NOC2L: variants seen among roughly 807,000 people sequenced by gnomAD.
The protein encoded by NOC2L is nucleolar complex protein 2 homolog.
A neutral mutation model predicts 94.2 loss-of-function variants in NOC2L; 101 were observed. That is an observed-to-expected ratio of 1.07 (90% CI 0.91 to 1.26). The LOEUF (loss-of-function observed/expected upper bound fraction) is 1.26. NOC2L is among the 50% of genes most tolerant of loss of function. NOC2L has a pLI of 0.00. For missense variants in NOC2L, 1,076 were observed against 980.1 expected, an observed-to-expected ratio of 1.10 and a Z score of -1.31; for synonymous variants, 531 against 413.4, an observed-to-expected ratio of 1.28 and a Z score of -3.45.
chr1:944,812 G>A lies in NOC2L; in HGVS notation c.2144-12C>T. The stretch of plus-strand genomic sequence containing the variant: ...GTCTGGGTCTCCATCTGCGGGGAGA[G>A]ATGGAGGCTACATAAATTTTGCTTT... On this transcript the variant is annotated splice_polypyrimidine_tract_variant and intron_variant, in intron 18 of 18. Transcript: ENST00000327044. The A allele has an allele frequency of 6.5e-7, 1 of 1,531,454 alleles. No homozygotes were observed. The highest frequency in any genetic ancestry group is 8.9e-7 in the Non-Finnish European group (1 of 1,128,982). The allele number at this position is 1,531,454 out of a possible 1,614,324, so 94.9% of individuals were successfully genotyped here.
At position 944,692 on chromosome 1, in the gene NOC2L, C is replaced by T. The variant is rs1642037697; in HGVS notation, c.*2G>A. On this transcript the variant is annotated 3_prime_UTR_variant, in exon 19 of 19. Coordinates refer to ENST00000327044, the MANE Select transcript of NOC2L (RefSeq NM_015658.4). ...CCCTACAGGCCCCCCAGATGGGCTG[C>T]CTCAGTCGTCCTCTGAGAGCTGCAG... 1 of 1,587,040 alleles carries T rather than the reference C, an allele frequency of 6.3e-7. No homozygotes were observed. The highest frequency in any genetic ancestry group is 8.5e-7 in the Non-Finnish European group (1 of 1,169,696).
intron 14 of NOC2L, among the ~76,000 whole-genome samples, chr1:947,334 G>A (rs1475381778): frequency 6.6e-6 from 1 of 152,208 alleles, no homozygotes; most frequent in Non-Finnish European, 1.5e-5. Flanking sequence ...CCCCCAGAAA[G>A]GGGGTCCCGG....
At chr1:949,457 C>T (rs1264802497) in intron 12 of NOC2L, among the ~76,000 whole-genome samples, 3 of 152,200 alleles carry the variant, frequency 2.0e-5, no homozygotes, top group African/African-American at 4.8e-5. Flanking sequence ...AGGCGACTGG[C>T]TTCCTGTCCA....
intron 9 of NOC2L, among the ~76,000 whole-genome samples, chr1:952,912 C>T (rs1232959363): frequency 6.6e-6 from 1 of 152,206 alleles, no homozygotes; most frequent in Non-Finnish European, 1.5e-5. Flanking sequence ...ACCCAGTGTC[C>T]TCCTCCAGCC....
chr1:946,247 G>A lies in NOC2L; in HGVS notation c.1843C>T (p.Leu615=), dbSNP rs2272757. Residue 615 remains leucine (L), a synonymous_variant, in exon 16 of 19, where the codon CTG becomes TTG. Transcript: ENST00000327044. ...CGCCAGTGGCTGTAGTACAAGGTCA[G>A]GGGTGTCCCCTCTTCCCGGGTCAGC... ...EKLTREEGTP[L]TLYYSHWRKL... 0.61 allele frequency: 980,063 copies of A among 1,612,974 alleles called. 308,468 individuals are homozygous for A. Among genetic ancestry groups the A allele is most frequent in the East Asian group, 0.65 (29,148 of 44,854 alleles).
In NOC2L at chr1:945,162, C is replaced by CA. The variant is rs1277034355; in HGVS notation, c.2054-17dup. 6.3e-7 allele frequency: 1 copy of CA among 1,584,708 alleles called. No homozygotes were observed. The highest frequency in any genetic ancestry group is 1.3e-5 in the African/African-American group (1 of 74,220). ...CTCAGTATCCCTGAGGAACAAGAAGCAGAGTCCATATGACTCCCACCCACA... is the reference window on the plus strand; with the variant it reads ...CTCAGTATCCCTGAGGAACAAGAAGCAAGAGTCCATATGACTCCCACCCACA... On this transcript the variant is annotated splice_polypyrimidine_tract_variant and intron_variant, in intron 17 of 18. Coordinates refer to ENST00000327044, the MANE Select transcript of NOC2L (RefSeq NM_015658.4).
At chr1:954,190 G>C in intron 6 of NOC2L, 108 bp from the exon 7 acceptor site, 2 of 1,003,082 alleles carry the variant, frequency 2.0e-6, no homozygotes, top group Non-Finnish European at 2.9e-6. Flanking sequence ...CGACTCTGCA[G>C]AGACCCCCCG....
At chr1:958,255 C>T (rs946138910) in intron 2 of NOC2L, 1 of 163,384 alleles carries the variant, frequency 6.1e-6, no homozygotes, top group Admixed American at 6.1e-5. Context: ...CTTTTGATTT[C>T]TTTCTTTTTC....
At chr1:958,716 C>G in intron 2 of NOC2L, 1 of 704,944 alleles carries the variant, frequency 1.4e-6, no homozygotes, top group Non-Finnish European at 2.6e-6. Context: ...TTTTGCACAA[C>G]TCACCAACAT....
In NOC2L at chr1:945,177, T is replaced by G. The variant is rs1316050895; in HGVS notation, c.2054-31A>C. 7 of 1,565,032 alleles carry G rather than the reference T, an allele frequency of 4.5e-6. No homozygotes were observed. The Admixed American group carries it at 9.5e-5, about 21-fold the overall frequency. On this transcript the variant is annotated intron_variant, in intron 17 of 18. Coordinates refer to ENST00000327044, the MANE Select transcript of NOC2L (RefSeq NM_015658.4). ...GAACAAGAAGCAGAGTCCATATGAC[T>G]CCCACCCACAGGGTCCACCAGCAAA...
In NOC2L at chr1:957,043, G is replaced by C; in HGVS notation, c.355-18C>G. The C allele has an allele frequency of 6.2e-7, 1 of 1,614,054 alleles. No homozygotes were observed. The highest frequency in any genetic ancestry group is 1.1e-5 in the South Asian group (1 of 91,086). ...CTGGCTTCCTGCACAGAAAGGCTGAGCTGAAGGAGAGTGTAGAGACAAGTG... is the reference window on the plus strand; with the variant it reads ...CTGGCTTCCTGCACAGAAAGGCTGACCTGAAGGAGAGTGTAGAGACAAGTG... On this transcript the variant is annotated intron_variant, in intron 3 of 18. Coordinates refer to ENST00000327044, the MANE Select transcript of NOC2L (RefSeq NM_015658.4).
chr1:955,990 A>G lies in NOC2L; in HGVS notation c.631T>C (p.Cys211Arg), dbSNP rs928942731. Residue 211 changes from cysteine (C) to arginine (R), a missense_variant, in exon 6 of 19, where the codon TGC (cysteine) becomes CGC (arginine). Coordinates refer to ENST00000327044, the MANE Select transcript of NOC2L (RefSeq NM_015658.4). ...AGACAGCCAATGAGGTCTCTGATGC[A>G]GAAGGTAACCAGAGCATTGAATGCT... is the stretch of plus-strand genomic sequence containing the variant. ...SAAFNALVTFCIRDLIGCLQK... is the reference protein window; with the variant it reads ...SAAFNALVTFRIRDLIGCLQK... 1.9e-6 allele frequency: 3 copies of G among 1,613,584 alleles called. No homozygotes were observed. The African/African-American group carries it at 4.0e-5, about 22-fold the overall frequency.
At chr1:945,277 G>A in intron 17 of NOC2L, 131 bp from the exon 18 acceptor site, 1 of 1,220,024 alleles carries the variant, frequency 8.2e-7, no homozygotes, top group Non-Finnish European at 1.1e-6. Context: ...GTGGAGAGGA[G>A]CCCTGGGGAG....
chr1:951,972 G>C, intron 11 of NOC2L, 28 bp downstream of exon 11: 2 of 1,599,540 alleles, frequency 1.3e-6, no homozygotes, highest in African/African-American at 2.7e-5. Context: ...TGACCCTCCC[G>C]CACAACCCTG....
chr1:951,343 T>A, intron 11 of NOC2L, 105 bp from the exon 12 acceptor site: 1 of 879,646 alleles, frequency 1.1e-6, no homozygotes, highest in Non-Finnish European at 1.8e-6. Flanking sequence ...ATCAGACCCC[T>A]AAAGCAGGAC....
chr1:945,318 G>C, intron 17 of NOC2L, 172 bp from the exon 18 acceptor site: 2 of 975,338 alleles, frequency 2.1e-6, no homozygotes, highest in Non-Finnish European at 3.0e-6. Flanking sequence ...TGGGGACAGA[G>C]TTACCAATCC....
chr1:957,026 C>A lies in NOC2L; in HGVS notation c.355-1G>T. 1 of 1,614,098 alleles carries A rather than the reference C, an allele frequency of 6.2e-7. No individual in the cohort carries two copies. The highest frequency in any genetic ancestry group is 1.1e-5 in the South Asian group (1 of 91,088). ...CTCCATCCTCCTCCTCACTGGCTTC[C>A]TGCACAGAAAGGCTGAGCTGAAGGA... On this transcript the variant is annotated splice_acceptor_variant, in intron 3 of 18. Coordinates refer to ENST00000327044, the MANE Select transcript of NOC2L (RefSeq NM_015658.4). LOFTEE classifies it high-confidence loss of function.
Position 944,830 on chromosome 1 carries a change from T to G in NOC2L, c.2144-30A>C, listed in dbSNP as rs373810090. On this transcript the variant is annotated intron_variant, in intron 18 of 18. Coordinates refer to ENST00000327044, the MANE Select transcript of NOC2L (RefSeq NM_015658.4). ...GGGGAGAGATGGAGGCTACATAAAT[T>G]TTGCTTTATCAGGAAGAAGCCAGCC... The G allele has an allele frequency of 7.4e-5, 109 of 1,476,768 alleles. No homozygotes were observed. In the African/African-American group the frequency reaches 1.3e-3, roughly 17 times the overall value. 91.5% of individuals were successfully genotyped at this position (1,476,768 alleles called of 1,614,324 possible).
intron 11 of NOC2L, among the ~76,000 whole-genome samples, chr1:951,451 G>A (rs973906932): frequency 3.9e-5 from 6 of 152,098 alleles, no homozygotes; most frequent in Non-Finnish European, 8.8e-5. Context: ...ACGGTGGCAG[G>A]GGTCATCTGT....
Sources: gnomAD v4.1 joint callset for allele counts (sites outside exome capture counted in the v4.1 genomes callset) on GRCh38, gnomAD v4.1.1 for gene constraint, MANE v1.5 for transcripts, NCBI Gene and HGNC (gene_info 2026-07-23, HGNC 2026-07-21) for gene names.